HHAT: variants seen among roughly 807,000 people sequenced by gnomAD.
The protein encoded by HHAT is hedgehog acyltransferase.
Under a neutral mutation model 70.8 loss-of-function variants are expected in HHAT, and 47 were observed. That is an observed-to-expected ratio of 0.66 (90% CI 0.53 to 0.85). HHAT has a LOEUF of 0.85. Ranked by LOEUF, HHAT falls within the 40% of genes least tolerant of loss-of-function variation. The probability of loss-of-function intolerance (pLI) is 0.00; values close to 1 mark genes in which losing one functional copy is unlikely to be tolerated. For synonymous variants in HHAT, 228 were observed against 247.6 expected, an observed-to-expected ratio of 0.92 and a Z score of 0.74; for missense variants, 609 against 604.8, an observed-to-expected ratio of 1.01 and a Z score of -0.07.
At chr1:210,336,350 A>AC (rs1436299723) in intron 1 of HHAT, among the ~76,000 whole-genome samples, 18 of 131,784 alleles carry the variant, frequency 1.4e-4, no homozygotes, top group African/African-American at 5.3e-4. Context: ...CTGGTCTTGA[A>AC]CCCCTAGGCT....
At chr1:210,532,630 T>TATTG (rs1189608704) in intron 9 of HHAT, among the ~76,000 whole-genome samples, 1 of 152,122 alleles carries the variant, frequency 6.6e-6, no homozygotes, top group African/African-American at 2.4e-5. Flanking sequence ...CCAGACCCCA[T>TATTG]ATTGGAGTTT....
At chr1:210,601,756 G>T (rs769397648) in intron 10 of HHAT, among the ~76,000 whole-genome samples, 7 of 152,016 alleles carry the variant, frequency 4.6e-5, no homozygotes, top group Non-Finnish European at 7.4e-5. Flanking sequence ...CCATGAAATG[G>T]GAGCTTCTCT....
rs1026381333 is a variant in HHAT at position 210,391,050 on chromosome 1, C to A, written c.273+3469C>A. 2.0e-5 allele frequency among the ~76,000 whole-genome samples: 3 copies of A among 152,160 alleles called. No homozygotes were observed. In the South Asian group the frequency reaches 6.2e-4, roughly 32 times the overall value. On this transcript the variant is annotated intron_variant, in intron 4 of 11. Transcript: ENST00000261458. ...ATTGCTGGATCAAATGGTAGTTTTA[C>A]TTTTAGTTCCTTAAGGAATTCCTAT...
intron 3 of HHAT, among the ~76,000 whole-genome samples, chr1:210,387,223 T>A (rs965482918): frequency 1.4e-4 from 22 of 152,140 alleles, no homozygotes; most frequent in Non-Finnish European, 2.5e-4. Context: ...CGAGGTGCAT[T>A]TGGGGAATGG....
intron 10 of HHAT, among the ~76,000 whole-genome samples, chr1:210,622,782 G>A (rs1242505030): frequency 6.6e-6 from 1 of 152,186 alleles, no homozygotes; most frequent in Non-Finnish European, 1.5e-5. Flanking sequence ...GGGGGTGGTT[G>A]GATGGCTTCC....
intron 10 of HHAT, among the ~76,000 whole-genome samples, chr1:210,620,121 A>T (rs978139235): frequency 6.6e-6 from 1 of 152,238 alleles, no homozygotes; most frequent in South Asian, 2.1e-4. Context: ...CTGTAGGACT[A>T]TGGAAAGGAG....
rs533669168 is a variant in HHAT, at chr1:210,386,501, G to A, written c.160-967G>A. On this transcript the variant is annotated intron_variant, in intron 3 of 11. Transcript: ENST00000261458. ...GATCCGCCCGCCTCGGCCTCCCAAA[G>A]TGCTGGGATTACAGGCGTGAGCCAC... Among the ~76,000 whole-genome samples, 13 of 151,836 alleles carry A rather than the reference G, an allele frequency of 8.6e-5. No homozygotes were observed. In the East Asian group the frequency reaches 1.9e-3, roughly 23 times the overall value.
In HHAT at chr1:210,339,154, G is replaced by C. The variant is rs75196377; in HGVS notation, c.-43-9779G>C. Among the ~76,000 whole-genome samples, 8 of 152,064 alleles carry C rather than the reference G, an allele frequency of 5.3e-5. No individual in the cohort carries two copies. In the East Asian group the frequency reaches 1.5e-3, roughly 29 times the overall value. On this transcript the variant is annotated intron_variant, in intron 1 of 11. Transcript: ENST00000261458. ...TGTTATAAAAGGAATTCCCAAACTGGCTGGAGATGAGACCAAAAGGCAATA... is the reference window on the plus strand; with the variant it reads ...TGTTATAAAAGGAATTCCCAAACTGCCTGGAGATGAGACCAAAAGGCAATA...
intron 2 of HHAT, among the ~76,000 whole-genome samples, chr1:210,358,260 CT>C (rs1341588826): frequency 1.3e-5 from 2 of 152,230 alleles, no homozygotes; most frequent in African/African-American, 4.8e-5. Context: ...CCCAGAAGCT[CT>C]AAAGTTTTCC....
intron 9 of HHAT, among the ~76,000 whole-genome samples, chr1:210,517,150 G>C (rs2095070576): frequency 6.6e-6 from 1 of 152,226 alleles, no homozygotes; most frequent in Non-Finnish European, 1.5e-5. Context: ...CCTGGGGAAA[G>C]AGATTACAGA....
intron 8 of HHAT, among the ~76,000 whole-genome samples, chr1:210,508,356 C>A (rs1213077330): frequency 6.6e-6 from 1 of 152,118 alleles, no homozygotes; most frequent in Non-Finnish European, 1.5e-5. Flanking sequence ...TGGAACTAGA[C>A]CTCTGGTTGG....
chr1:210,529,099 G>A (rs1042402585), intron 9 of HHAT, among the ~76,000 whole-genome samples: 1 of 152,182 alleles, frequency 6.6e-6, no homozygotes, highest in Admixed American at 6.5e-5. Context: ...GAGGTCAGGA[G>A]TTCGAGACCA....
chr1:210,666,941 G>A (rs979556481), intron 11 of HHAT, among the ~76,000 whole-genome samples: 12 of 151,208 alleles, frequency 7.9e-5, no homozygotes, highest in South Asian at 4.2e-4. Flanking sequence ...TTAGCTGGGC[G>A]CAGTGGCGGG....
chr1:210,418,871 A>G (rs1169985141), intron 7 of HHAT, among the ~76,000 whole-genome samples: 1 of 152,078 alleles, frequency 6.6e-6, no homozygotes, highest in Non-Finnish European at 1.5e-5. Context: ...TGTCTCTACT[A>G]AAAATACAAA....
chr1:210,441,948 C>T lies in HHAT; in HGVS notation c.857-22557C>T, dbSNP rs144755932. Among the ~76,000 whole-genome samples, 1,024 of 151,602 alleles carry T rather than the reference C, an allele frequency of 6.8e-3. 13 individuals carry two copies. Among genetic ancestry groups the T allele is most frequent in the African/African-American group, 0.024 (974 of 41,334 alleles). ...ATGTGCCATGCTGGTGTGCTGAACCCACTAACTTGTCATCTAGCATTAGGT... is the reference window on the plus strand; with the variant it reads ...ATGTGCCATGCTGGTGTGCTGAACCTACTAACTTGTCATCTAGCATTAGGT... On this transcript the variant is annotated intron_variant, in intron 7 of 11. Transcript: ENST00000261458.
At chr1:210,654,941 G>A (rs1676066575) in intron 11 of HHAT, among the ~76,000 whole-genome samples, 1 of 152,170 alleles carries the variant, frequency 6.6e-6, no homozygotes, top group Non-Finnish European at 1.5e-5. Context: ...CTAAGCCATA[G>A]GGCTGACCCT....
chr1:210,640,190 G>A (rs945430249), intron 11 of HHAT, among the ~76,000 whole-genome samples: 4 of 152,108 alleles, frequency 2.6e-5, no homozygotes, highest in Admixed American at 2.0e-4. Flanking sequence ...TGAGAGTTTC[G>A]AAGGTGGCAA....
At chr1:210,340,710 A>T (rs190591126) in intron 1 of HHAT, among the ~76,000 whole-genome samples, 2 of 152,270 alleles carry the variant, frequency 1.3e-5, no homozygotes, top group East Asian at 1.9e-4. Context: ...ATTGATTTAA[A>T]TTTTTTTATC....
intron 10 of HHAT, among the ~76,000 whole-genome samples, chr1:210,595,031 T>C (rs1001182279): frequency 1.3e-5 from 2 of 152,140 alleles, no homozygotes; most frequent in South Asian, 2.1e-4. Flanking sequence ...TTTTTACATA[T>C]GTATACATGT....
Sources: allele counts gnomAD v4.1 joint callset (sites outside exome capture counted in the v4.1 genomes callset), GRCh38; gene constraint gnomAD v4.1.1; transcripts MANE v1.5; gene names NCBI Gene and HGNC (gene_info 2026-07-23, HGNC 2026-07-21).